LRRC37A2: variants seen among roughly 807,000 people sequenced by gnomAD.
The protein encoded by LRRC37A2 is leucine-rich repeat-containing protein 37A2.
Under a neutral mutation model 68.8 loss-of-function variants are expected in LRRC37A2, and 9 were observed. That is an observed-to-expected ratio of 0.13 (90% confidence interval 0.08 to 0.23). The LOEUF is 0.23. Among genes scored for constraint, LRRC37A2 ranks in the 10% least tolerant of loss-of-function variants. The pLI, the probability that LRRC37A2 is intolerant of heterozygous loss-of-function variation, is 1.00. For synonymous variants in LRRC37A2, 63 were observed against 367.6 expected (o/e 0.17, Z 9.48); for missense variants, 168 against 950.4 (o/e 0.18, Z 10.82).
the LRRC37A2 span, among the ~76,000 whole-genome samples, chr17:46,958,003 C>T: frequency 6.6e-6 from 1 of 152,184 alleles, no homozygotes; most frequent in African/African-American, 2.4e-5. Flanking sequence ...GGCTCATTCC[C>T]ACCAAGGGGC....
At chr17:47,022,886 A>G in the LRRC37A2 span, among the ~76,000 whole-genome samples, 4 of 152,272 alleles carry the variant, frequency 2.6e-5, no homozygotes, top group Non-Finnish European at 5.9e-5. Context: ...ATCCCTGTAC[A>G]TGCTTCTTTG....
At chr17:46,712,656 T>C in the LRRC37A2 span, among the ~76,000 whole-genome samples, 5 of 152,154 alleles carry the variant, frequency 3.3e-5, no homozygotes, top group Admixed American at 2.0e-4. Context: ...TGCCAGTATA[T>C]AGACTGTGGT....
At chr17:46,964,285 C>T in the LRRC37A2 span, 2 of 152,280 alleles carry the variant, frequency 1.3e-5, no homozygotes, top group Non-Finnish European at 2.9e-5. Context: ...GGCTAGGACA[C>T]ATTGGACTCC....
At chr17:46,980,924 A>C in the LRRC37A2 span, among the ~76,000 whole-genome samples, 1 of 152,234 alleles carries the variant, frequency 6.6e-6, no homozygotes, top group South Asian at 2.1e-4. Context: ...ACCAGTGTAC[A>C]ATCATGCCCT....
chr17:46,779,096 CA>C, the LRRC37A2 span, among the ~76,000 whole-genome samples: 34 of 135,502 alleles, frequency 2.5e-4, 1 homozygote, highest in East Asian at 3.9e-3. Context: ...CACACACACA[CA>C]CACACACCCC....
the LRRC37A2 span, chr17:46,728,928 T>A: frequency 6.3e-7 from 1 of 1,598,224 alleles, no homozygotes; most frequent in Non-Finnish European, 8.6e-7. Context: ...AAAAGGCACC[T>A]CCTCAGGTAA....
the LRRC37A2 span, chr17:46,722,181 G>T: frequency 1.2e-6 from 2 of 1,610,130 alleles, no homozygotes; most frequent in Non-Finnish European, 1.7e-6. Flanking sequence ...TTTCTCCTGG[G>T]AGAACTTGCA....
At chr17:46,707,770 G>C in the LRRC37A2 span, among the ~76,000 whole-genome samples, 1 of 152,082 alleles carries the variant, frequency 6.6e-6, no homozygotes, top group African/African-American at 2.4e-5. Flanking sequence ...GGTGGCTCTT[G>C]CCTGTAATCC....
At chr17:46,747,214 G>C in the LRRC37A2 span, among the ~76,000 whole-genome samples, 1 of 152,294 alleles carries the variant, frequency 6.6e-6, no homozygotes, top group Non-Finnish European at 1.5e-5. Flanking sequence ...ATTGGAAAAA[G>C]GGGCAAGTCA....
At chr17:46,938,677 G>A in the LRRC37A2 span, 1 of 1,613,954 alleles carries the variant, frequency 6.2e-7, no homozygotes, top group South Asian at 1.1e-5. Context: ...CGAGAAGCGG[G>A]CTTTCCAGGA....
chr17:46,820,561 G>T, the LRRC37A2 span, among the ~76,000 whole-genome samples: 1 of 152,134 alleles, frequency 6.6e-6, no homozygotes, highest in East Asian at 1.9e-4. Flanking sequence ...CCTGGTGGGG[G>T]CTGCAGAGAT....
At chr17:47,001,660 A>G in the LRRC37A2 span, among the ~76,000 whole-genome samples, 1 of 145,110 alleles carries the variant, frequency 6.9e-6, no homozygotes, top group Non-Finnish European at 1.5e-5. Context: ...TGCCCTTTCT[A>G]CTTCCCTCTC....
chr17:46,789,093 T>G, the LRRC37A2 span, among the ~76,000 whole-genome samples: 1 of 152,202 alleles, frequency 6.6e-6, no homozygotes, highest in Non-Finnish European at 1.5e-5. Context: ...CCAGGCCTTA[T>G]GCTGGACGCC....
chr17:46,874,341 G>A, the LRRC37A2 span, among the ~76,000 whole-genome samples: 9 of 152,160 alleles, frequency 5.9e-5, no homozygotes, highest in African/African-American at 2.2e-4. Flanking sequence ...AAGCCCATGG[G>A]GCTTATCTCA....
the LRRC37A2 span, among the ~76,000 whole-genome samples, chr17:46,809,026 G>A: frequency 1.6e-4 from 25 of 152,290 alleles, no homozygotes; most frequent in Middle Eastern, 3.4e-3. Context: ...CCCCAGGTTG[G>A]GCTGCCTTTT....
the LRRC37A2 span, among the ~76,000 whole-genome samples, chr17:46,914,014 C>A: frequency 1.3e-5 from 2 of 152,112 alleles, no homozygotes; most frequent in Admixed American, 6.5e-5. Context: ...TTGCCTCGGC[C>A]TCCCAAAGTG....
the LRRC37A2 span, among the ~76,000 whole-genome samples, chr17:46,779,103 A>ACACCCCC: frequency 3.5e-4 from 47 of 133,658 alleles, 1 homozygote; most frequent in East Asian, 4.6e-3. Context: ...ACACACACAC[A>ACACCCCC]CCCCAGCCCA....
At chr17:46,790,488 T>A in the LRRC37A2 span, among the ~76,000 whole-genome samples, 2 of 151,930 alleles carry the variant, frequency 1.3e-5, no homozygotes, top group African/African-American at 4.8e-5. Context: ...CTGCCCTAGG[T>A]CACAGACAGG....
chr17:46,817,358 C>A, the LRRC37A2 span, among the ~76,000 whole-genome samples: 2 of 152,240 alleles, frequency 1.3e-5, no homozygotes, highest in African/African-American at 4.8e-5. Context: ...ATCCCAAATT[C>A]TTCCTCCTCA....
Sources: gnomAD v4.1 joint callset for allele counts (sites outside exome capture counted in the v4.1 genomes callset) on GRCh38, gnomAD v4.1.1 for gene constraint, MANE v1.5 for transcripts, NCBI Gene and HGNC (gene_info 2026-07-23, HGNC 2026-07-21) for gene names.